Variants in FRY observed in about 807,000 individuals in gnomAD.
FRY encodes protein furry homolog.
FRY carries 128 observed loss-of-function variants against 348.4 expected under a neutral mutation model. The observed-to-expected ratio is 0.37, with a 90% confidence interval of 0.32 to 0.43. The LOEUF (loss-of-function observed/expected upper bound fraction) is 0.43, where lower values mean the gene tolerates loss of function less well. FRY is among the 20% of genes least tolerant of loss of function. FRY has a pLI of 1.00. For synonymous variants in FRY, 1,370 were observed against 1,374.7 expected, an observed-to-expected ratio of 1.00 and a Z score of 0.08; for missense variants, 2,736 against 3,695.2, an observed-to-expected ratio of 0.74 and a Z score of 6.73.
intron 47 of FRY, among the ~76,000 whole-genome samples, chr13:32,246,610 A>C (rs1886817332): frequency 6.6e-6 from 1 of 152,220 alleles, no homozygotes; most frequent in Non-Finnish European, 1.5e-5. Flanking sequence ...GAGTTTAGTC[A>C]GGGAAGTGGC....
intron 51 of FRY, among the ~76,000 whole-genome samples, chr13:32,260,053 T>A (rs1386893766): frequency 6.6e-6 from 1 of 152,188 alleles, no homozygotes; most frequent in Non-Finnish European, 1.5e-5. Context: ...CCTTCTACCA[T>A]GAATAGCCCA....
chr13:32,209,012 G>A lies in FRY; in HGVS notation c.4178G>A (p.Gly1393Asp). 1 of 1,614,210 alleles carries A rather than the reference G, an allele frequency of 6.2e-7. No homozygotes were observed. Residue 1393 changes from glycine (G) to aspartate (D), a missense_variant, in exon 32 of 61, where the codon GGT becomes GAT. Gly to Asp is a moderately conservative substitution (Grantham distance 94). This residue lies in a region of FRY where 794 missense variants were observed against 977.0 expected (regional missense o/e 0.81). Transcript: ENST00000542859. ...GAGGACGAAGTCAAGGACCGGGAAG[G>A]TGACGTGACTGCTTCTCACGGGCTG... Reference protein sequence around the residue: ...SPEDEVKDREGDVTASHGLRG... With the variant: ...SPEDEVKDREDDVTASHGLRG...
chr13:32,126,165 A>G (rs1214888603), intron 7 of FRY, among the ~76,000 whole-genome samples: 1 of 152,238 alleles, frequency 6.6e-6, no homozygotes, highest in Admixed American at 6.5e-5. Context: ...CCTCATTTCT[A>G]GAAAAGATTG....
chr13:32,152,054 T>C (rs1383193066), intron 14 of FRY, among the ~76,000 whole-genome samples: 4 of 152,122 alleles, frequency 2.6e-5, no homozygotes, highest in Non-Finnish European at 5.9e-5. Context: ...GCTGACAAAA[T>C]ATGTGCAATA....
At chr13:32,255,738 G>A (rs9805463) in intron 51 of FRY, among the ~76,000 whole-genome samples, 3,833 of 152,298 alleles carry the variant, frequency 0.025, 182 homozygotes, top group African/African-American at 0.087. Flanking sequence ...AGTGAAGATT[G>A]TTTTAAGTCT....
At chr13:32,072,204 A>G (rs942597745) in intron 1 of FRY, among the ~76,000 whole-genome samples, 3 of 152,254 alleles carry the variant, frequency 2.0e-5, no homozygotes, top group South Asian at 2.1e-4. Flanking sequence ...AGGAATGTAT[A>G]TAATCCATAA....
At chr13:32,054,581 G>T (rs1295685322) in intron 1 of FRY, among the ~76,000 whole-genome samples, 1 of 152,096 alleles carries the variant, frequency 6.6e-6, no homozygotes, top group Admixed American at 6.6e-5. Flanking sequence ...GCTGTTTAAA[G>T]GTAAGAAACA....
intron 3 of FRY, among the ~76,000 whole-genome samples, chr13:32,104,405 G>A (rs903250556): frequency 1.3e-5 from 2 of 152,186 alleles, no homozygotes; most frequent in South Asian, 2.1e-4. Context: ...TGCTGCATCC[G>A]CCACCTAACA....
Position 32,056,177 on chromosome 13 carries a change from G to A in FRY, c.71-22657G>A, listed in dbSNP as rs996586835. Among the ~76,000 whole-genome samples the A allele has an allele frequency of 6.7e-5, 9 of 134,476 alleles. No individual in the cohort carries two copies. The South Asian group carries it at 9.8e-4, about 15-fold the overall frequency. The allele number at this position is 134,476 out of a possible 152,430, so 88.2% of individuals were successfully genotyped here. On this transcript the variant is annotated intron_variant, in intron 1 of 60. Transcript: ENST00000542859. ...CTGCACTCCAGCCTGGTGACAGAGC[G>A]AGACTCCATCTAAAAAAAAAAAAAA...
At position 32,209,630 on chromosome 13, in the gene FRY, G is replaced by A. The variant is rs1473402219; in HGVS notation, c.4321G>A (p.Ala1441Thr). The A allele has an allele frequency of 6.2e-7, 1 of 1,614,036 alleles. No homozygotes were observed. The highest frequency in any genetic ancestry group is 8.5e-7 in the Non-Finnish European group (1 of 1,179,916). ...GCCAGAAATGGAAAATGCTTGGAAT[G>A]CTTTAGCCAACAATGAGAAATGGAG... ...PGPEMENAWNALANNEKWSNN... is the reference protein window; with the variant it reads ...PGPEMENAWNTLANNEKWSNN... The change falls in exon 33 of 61, where the codon GCT (alanine) becomes ACT (threonine). Residue 1441 changes from alanine (A) to threonine (T), a missense_variant. Coordinates refer to ENST00000542859, the MANE Select transcript of FRY (RefSeq NM_023037.3).
chr13:32,095,491 C>T (rs1199151029), intron 2 of FRY, among the ~76,000 whole-genome samples: 2 of 151,972 alleles, frequency 1.3e-5, no homozygotes, highest in African/African-American at 2.4e-5. Context: ...GGATTACAGG[C>T]GTGCGCCCCC....
intron 2 of FRY, among the ~76,000 whole-genome samples, chr13:32,096,991 A>C (rs1230534610): frequency 6.6e-6 from 1 of 152,038 alleles, no homozygotes; most frequent in African/African-American, 2.4e-5. Context: ...GAGCCTGACA[A>C]TATGTTGTTT....
At chr13:32,285,917 A>G (rs1194335290) in intron 58 of FRY, among the ~76,000 whole-genome samples, 2 of 152,204 alleles carry the variant, frequency 1.3e-5, no homozygotes, top group Admixed American at 1.3e-4. Context: ...TTTCTTGAGA[A>G]TAGTAAACAC....
chr13:32,039,948 A>T (rs1593552064), intron 1 of FRY, among the ~76,000 whole-genome samples: 1 of 152,342 alleles, frequency 6.6e-6, no homozygotes, highest in Non-Finnish European at 1.5e-5. Context: ...GCAAAGTGCA[A>T]AGTAATTTAG....
chr13:32,191,271 C>A, intron 28 of FRY, among the ~76,000 whole-genome samples: 1 of 152,058 alleles, frequency 6.6e-6, no homozygotes, highest in Non-Finnish European at 1.5e-5. Flanking sequence ...ATTTCTTGAG[C>A]AGAATGCAAA....
intron 16 of FRY, among the ~76,000 whole-genome samples, chr13:32,158,896 C>T (rs1470730981): frequency 2.6e-4 from 35 of 132,294 alleles, no homozygotes; most frequent in African/African-American, 9.7e-4. Context: ...CCAGCCTGGG[C>T]GACAGTGAAA....
At chr13:32,105,331 G>A (rs546631613) in intron 3 of FRY, among the ~76,000 whole-genome samples, 10 of 152,288 alleles carry the variant, frequency 6.6e-5, no homozygotes, top group East Asian at 3.9e-4. Context: ...AGTAGAGACC[G>A]AACCTTCACC....
At chr13:32,087,706 C>G (rs1262139810) in intron 2 of FRY, among the ~76,000 whole-genome samples, 2 of 152,132 alleles carry the variant, frequency 1.3e-5, no homozygotes, top group Non-Finnish European at 2.9e-5. Context: ...AACATTCATC[C>G]ATAGTCTTGT....
intron 11 of FRY, among the ~76,000 whole-genome samples, chr13:32,143,313 T>C (rs1880201060): frequency 6.6e-6 from 1 of 152,214 alleles, no homozygotes. Context: ...TGATCTGATA[T>C]CATCTTGAAA....
Sources: gnomAD v4.1 joint callset for allele counts (sites outside exome capture counted in the v4.1 genomes callset) on GRCh38, gnomAD v4.1.1 for gene constraint, gnomAD v4.1.1 regional missense constraint, MANE v1.5 for transcripts, NCBI Gene and HGNC (gene_info 2026-07-23, HGNC 2026-07-21) for gene names.